The following MCC variants were observed in gnomAD, a reference collection of about 807,000 sequenced individuals.
MCC encodes the protein colorectal mutant cancer protein.
Under a neutral mutation model 116.2 loss-of-function variants are expected in MCC, and 90 were observed. The observed-to-expected ratio is 0.77, with a 90% CI of 0.65 to 0.92. The LOEUF (loss-of-function observed/expected upper bound fraction) is 0.92. MCC is among the 40% of genes least tolerant of loss of function. The pLI, the probability that MCC is intolerant of heterozygous loss-of-function variation, is 0.00. For missense variants in MCC, 1,516 were observed against 1,312.2 expected (o/e 1.16, Z -2.40); for synonymous variants, 578 against 510.5 (o/e 1.13, Z -1.78).
intron 2 of MCC, among the ~76,000 whole-genome samples, chr5:113,343,111 G>T (rs7700940): frequency 0.089 from 13,539 of 152,178 alleles, 1,400 homozygotes; most frequent in African/African-American, 0.25. Flanking sequence ...TGCAGTTTGT[G>T]TACAGTGAGT....
intron 1 of MCC, among the ~76,000 whole-genome samples, chr5:113,470,922 C>T (rs1187886869): frequency 6.6e-6 from 1 of 152,148 alleles, no homozygotes; most frequent in Non-Finnish European, 1.5e-5. Flanking sequence ...CACTTCATTT[C>T]ATTCATTTCG....
At chr5:113,432,308 G>A (rs577039561) in intron 1 of MCC, among the ~76,000 whole-genome samples, 3 of 127,024 alleles carry the variant, frequency 2.4e-5, no homozygotes, top group South Asian at 2.6e-4. Flanking sequence ...GGGCTAGAGC[G>A]AGACTCTGTC....
At chr5:113,425,193 A>G (rs1770449398) in intron 1 of MCC, among the ~76,000 whole-genome samples, 1 of 152,226 alleles carries the variant, frequency 6.6e-6, no homozygotes, top group Non-Finnish European at 1.5e-5. Flanking sequence ...AGGATTGGGA[A>G]TCACAGCACC....
At chr5:113,404,400 C>G (rs1375347357) in intron 1 of MCC, among the ~76,000 whole-genome samples, 4 of 152,148 alleles carry the variant, frequency 2.6e-5, no homozygotes, top group African/African-American at 9.7e-5. Context: ...GAAAATGAGT[C>G]CTGGTCACAG....
intron 2 of MCC, among the ~76,000 whole-genome samples, chr5:113,341,632 C>T (rs1328815977): frequency 6.6e-6 from 1 of 152,048 alleles, no homozygotes; most frequent in East Asian, 1.9e-4. Flanking sequence ...CTTATAAAGC[C>T]CCACAGTGTG....
At position 113,444,448 on chromosome 5, in the gene MCC, T is replaced by C. The variant is rs563345348; in HGVS notation, c.170+43797A>G. The stretch of plus-strand genomic sequence containing the variant: ...CTTCAAGTTACTGGATTGAGTTTCT[T>C]TGAAGGAAAAAAAGTGTTAAATCTG... On this transcript the variant is annotated intron_variant, in intron 1 of 18. Coordinates refer to ENST00000408903, the MANE Select transcript of MCC (RefSeq NM_001085377.2). 8.5e-5 allele frequency among the ~76,000 whole-genome samples: 13 copies of C among 152,296 alleles called. No homozygotes were observed. In the South Asian group the frequency reaches 2.7e-3, roughly 32 times the overall value.
chr5:113,255,152 CA>C (rs761840214), intron 3 of MCC, among the ~76,000 whole-genome samples: 11 of 152,178 alleles, frequency 7.2e-5, no homozygotes, highest in Non-Finnish European at 1.6e-4. Flanking sequence ...GTGACAAGAG[CA>C]AAACTCCATC....
At chr5:113,063,261 G>C (rs1753347122) in intron 14 of MCC, among the ~76,000 whole-genome samples, 1 of 152,228 alleles carries the variant, frequency 6.6e-6, no homozygotes, top group Non-Finnish European at 1.5e-5. Flanking sequence ...CAAGAAATGA[G>C]AAGGTAAGTA....
chr5:113,159,580 A>C (rs1487044938), intron 3 of MCC, among the ~76,000 whole-genome samples: 2 of 152,198 alleles, frequency 1.3e-5, no homozygotes, highest in African/African-American at 2.4e-5. Flanking sequence ...GGTAGTCAAT[A>C]AAATATGTAT....
At chr5:113,353,234 T>G (rs988605720) in intron 2 of MCC, among the ~76,000 whole-genome samples, 48 of 152,210 alleles carry the variant, frequency 3.2e-4, no homozygotes, top group African/African-American at 1.1e-3. Context: ...CTCGAACAAA[T>G]GACAAGGCCA....
At chr5:113,408,551 C>T (rs536248670) in intron 1 of MCC, among the ~76,000 whole-genome samples, 1 of 152,244 alleles carries the variant, frequency 6.6e-6, no homozygotes, top group African/African-American at 2.4e-5. Context: ...ATATACCTAG[C>T]GCTGAGGTTC....
chr5:113,255,165 C>G (rs1764960290), intron 3 of MCC, among the ~76,000 whole-genome samples: 1 of 152,106 alleles, frequency 6.6e-6, no homozygotes, highest in African/African-American at 2.4e-5. Context: ...AACTCCATCT[C>G]AAAACAAACA....
Position 113,071,237 on chromosome 5 carries a change from A to G in MCC, c.1785-3T>C, listed in dbSNP as rs201654481. On this transcript the variant is annotated splice_polypyrimidine_tract_variant and splice_region_variant and intron_variant, in intron 11 of 18. Transcript: ENST00000408903. The stretch of plus-strand genomic sequence containing the variant: ...GGGATTTGAGGTGCTCAATCCGGCT[A>G]CAAAGGAACAAAAATCAGATTCACA... 5.3e-5 allele frequency: 85 copies of G among 1,612,988 alleles called. 1 individual carries two copies. In the African/African-American group the frequency reaches 1.0e-3, roughly 19 times the overall value.
chr5:113,059,227 G>C (rs1175732007), intron 14 of MCC, among the ~76,000 whole-genome samples: 2 of 152,176 alleles, frequency 1.3e-5, no homozygotes, highest in South Asian at 2.1e-4. Flanking sequence ...TTTTAGTGGA[G>C]AAAGTTTAAT....
chr5:113,380,349 C>T lies in MCC; in HGVS notation c.415+4619G>A, dbSNP rs996774037. 1.2e-4 allele frequency among the ~76,000 whole-genome samples: 18 copies of T among 152,308 alleles called. No individual in the cohort carries two copies. In the South Asian group the frequency reaches 3.3e-3, roughly 28 times the overall value. Reference sequence around the variant, plus strand: ...CCATAACTTCTGTACCATTCGATGGCTTCCAAACTTTTGTTAACTCTACTT... The same window carrying T: ...CCATAACTTCTGTACCATTCGATGGTTTCCAAACTTTTGTTAACTCTACTT... On this transcript the variant is annotated intron_variant, in intron 2 of 18. Coordinates refer to ENST00000408903, the MANE Select transcript of MCC (RefSeq NM_001085377.2).
chr5:113,209,976 C>T lies in MCC; in HGVS notation c.628-58554G>A, dbSNP rs139404113. On this transcript the variant is annotated intron_variant, in intron 3 of 18. Coordinates refer to ENST00000408903, the MANE Select transcript of MCC (RefSeq NM_001085377.2). ...GGCATTCATGCTTAAAACCGTCTAT[C>T]GGAGTGATAAGATTGGTATGATATG... 2.7e-3 allele frequency among the ~76,000 whole-genome samples: 415 copies of T among 152,230 alleles called. 4 individuals are homozygous for T. The highest frequency in any genetic ancestry group is 9.5e-3 in the African/African-American group (393 of 41,532).
At chr5:113,144,102 C>T (rs547531996) in intron 4 of MCC, among the ~76,000 whole-genome samples, 11 of 151,998 alleles carry the variant, frequency 7.2e-5, no homozygotes, top group Admixed American at 6.6e-5. Context: ...GAATGGATGA[C>T]GATATATCAT....
intron 17 of MCC, among the ~76,000 whole-genome samples, chr5:113,039,534 G>A (rs1057361047): frequency 6.6e-6 from 1 of 152,210 alleles, no homozygotes; most frequent in Admixed American, 6.5e-5. Flanking sequence ...CAGCCACACA[G>A]CAGGTAGTCT....
chr5:113,298,084 TAATA>T (rs1766758859), intron 3 of MCC, among the ~76,000 whole-genome samples: 1 of 152,108 alleles, frequency 6.6e-6, no homozygotes, highest in African/African-American at 2.4e-5. Context: ...TCTGTTAGAA[TAATA>T]AATAAAACCG....
Sources: allele counts gnomAD v4.1 joint callset (sites outside exome capture counted in the v4.1 genomes callset), GRCh38; gene constraint gnomAD v4.1.1; transcripts MANE v1.5; gene names NCBI Gene and HGNC (gene_info 2026-07-23, HGNC 2026-07-21).